SH3BP5: variants seen among roughly 807,000 people sequenced by gnomAD.
The protein encoded by SH3BP5 is SH3 domain-binding protein 5.
SH3BP5 carries 22 observed loss-of-function variants against 43.3 expected under a neutral mutation model. The observed-to-expected ratio is 0.51, with a 90% CI of 0.36 to 0.73. The LOEUF is 0.73. Among genes scored for constraint, SH3BP5 ranks in the 30% least tolerant of loss-of-function variants. The probability of loss-of-function intolerance (pLI) is 0.00; values close to 1 mark genes in which losing one functional copy is unlikely to be tolerated. For synonymous variants in SH3BP5, 255 were observed against 225.8 expected, an observed-to-expected ratio of 1.13 and a Z score of -1.16; for missense variants, 529 against 586.9, an observed-to-expected ratio of 0.90 and a Z score of 1.02.
Position 15,259,744 on chromosome 3 carries a change from C to G in SH3BP5, c.669+17G>C. The G allele has an allele frequency of 6.2e-7, 1 of 1,613,618 alleles. No homozygotes were observed. The highest frequency in any genetic ancestry group is 1.3e-5 in the African/African-American group (1 of 74,974). On this transcript the variant is annotated intron_variant, in intron 6 of 8. Transcript: ENST00000383791. ...CAGAAAAATCTCATCAGTGACGAAG[C>G]CCAAAGCTACACATACCTCGAGCTG... is the stretch of plus-strand genomic sequence containing the variant.
At chr3:15,300,968 T>G (rs555868686) in intron 3 of SH3BP5, among the ~76,000 whole-genome samples, 10 of 152,218 alleles carry the variant, frequency 6.6e-5, no homozygotes, top group African/African-American at 2.2e-4. Flanking sequence ...ACTCAGTAAT[T>G]GCCCTATTGT....
intron 3 of SH3BP5, among the ~76,000 whole-genome samples, chr3:15,300,644 C>T (rs1178572043): frequency 2.0e-5 from 3 of 151,738 alleles, no homozygotes; most frequent in South Asian, 4.2e-4. Flanking sequence ...GCAGCCCACC[C>T]TCCACAGAGA....
chr3:15,329,450 T>C (rs1330666101), intron 2 of SH3BP5, among the ~76,000 whole-genome samples: 3 of 152,232 alleles, frequency 2.0e-5, no homozygotes, highest in African/African-American at 7.2e-5. Context: ...CCCATGCTCT[T>C]GTATACCTAC....
At chr3:15,297,138 G>T (rs1265773851) in intron 3 of SH3BP5, among the ~76,000 whole-genome samples, 1 of 152,134 alleles carries the variant, frequency 6.6e-6, no homozygotes, top group Admixed American at 6.5e-5. Flanking sequence ...TTCAAAACAC[G>T]ATTCTCCATC....
At chr3:15,320,242 T>G (rs907333267) in intron 2 of SH3BP5, among the ~76,000 whole-genome samples, 10 of 152,128 alleles carry the variant, frequency 6.6e-5, no homozygotes, top group African/African-American at 2.4e-4. Flanking sequence ...CAGCGGATAT[T>G]CCTCTCATTG....
At chr3:15,333,733 TG>T (rs1698666880), upstream of SH3BP5, among the ~76,000 whole-genome samples, 1 of 152,206 alleles carries the variant, frequency 6.6e-6, no homozygotes, top group Admixed American at 6.5e-5. Flanking sequence ...ACGCTGGCAC[TG>T]TAGTCCACTG....
intron 1 of SH3BP5, 156 bp downstream of exon 1, chr3:15,332,115 T>C: frequency 1.7e-6 from 2 of 1,203,236 alleles, no homozygotes; most frequent in Non-Finnish European, 2.3e-6. Context: ...GTGGAGACGA[T>C]GAAACGGAGC....
Position 15,255,743 on chromosome 3 carries a change from C to T in SH3BP5, c.*343G>A, listed in dbSNP as rs1364102032. ...CTGAGGGTGAGAAGAGAAAGAGAAG[C>T]AAGCTGTTGCCCCCACTTTGGCCTG... On this transcript the variant is annotated 3_prime_UTR_variant, in exon 9 of 9. Transcript: ENST00000383791. The T allele has an allele frequency of 3.4e-5, 7 of 204,684 alleles. No individual in the cohort carries two copies. Among genetic ancestry groups the T allele is most frequent in the East Asian group, 1.2e-4 (1 of 8,398 alleles). The allele number at this position is 204,684 out of a possible 1,614,324, so 12.7% of individuals were successfully genotyped here. A position where few individuals can be genotyped will look rare whatever the true frequency, so the allele number is the denominator to read the frequency against.
intron 3 of SH3BP5, among the ~76,000 whole-genome samples, chr3:15,303,857 T>A (rs3773466): frequency 1.6e-4 from 24 of 152,100 alleles, no homozygotes; most frequent in African/African-American, 5.3e-4. Flanking sequence ...ACACGTCCCC[T>A]TAAGTGCACT....
intron 3 of SH3BP5, among the ~76,000 whole-genome samples, chr3:15,294,697 T>C (rs182737514): frequency 2.0e-5 from 3 of 152,046 alleles, no homozygotes; most frequent in Non-Finnish European, 4.4e-5. Context: ...ACCTAATACA[T>C]CATTAGCGCT....
chr3:15,332,545 C>A lies in SH3BP5; in HGVS notation c.-137G>T. Reference sequence around the variant, plus strand: ...CGCCGGGGCCGACACCCGGGAGACGCAGCTCGCCGATGCGGATACCTCCGG... The same window carrying A: ...CGCCGGGGCCGACACCCGGGAGACGAAGCTCGCCGATGCGGATACCTCCGG... On this transcript the variant is annotated 5_prime_UTR_variant, in exon 1 of 9. Transcript: ENST00000383791. The A allele has an allele frequency of 4.8e-6, 6 of 1,238,420 alleles. No homozygotes were observed. Among genetic ancestry groups the A allele is most frequent in the Non-Finnish European group, 6.0e-6 (6 of 993,260 alleles). 76.7% of individuals were successfully genotyped at this position (1,238,420 alleles called of 1,614,324 possible).
Position 15,294,144 on chromosome 3 carries a change from G to A in SH3BP5, c.330+9959C>T, listed in dbSNP as rs74955670. 5.3e-3 allele frequency among the ~76,000 whole-genome samples: 800 copies of A among 150,998 alleles called. 19 individuals are homozygous for A. The East Asian group carries it at 0.065, about 12-fold the overall frequency. Reference sequence around the variant, plus strand: ...GAGTACCACTTTGCAAAAAGTACTCGCTGTAAGGATTAAATGAGATAATGT... The same window carrying A: ...GAGTACCACTTTGCAAAAAGTACTCACTGTAAGGATTAAATGAGATAATGT... On this transcript the variant is annotated intron_variant, in intron 3 of 8. Coordinates refer to ENST00000383791, the MANE Select transcript of SH3BP5 (RefSeq NM_004844.5).
At chr3:15,302,040 G>T (rs1697768940) in intron 3 of SH3BP5, among the ~76,000 whole-genome samples, 1 of 152,138 alleles carries the variant, frequency 6.6e-6, no homozygotes, top group African/African-American at 2.4e-5. Context: ...TTTCAGGAAA[G>T]GAGGTTTTCT....
At position 15,314,996 on chromosome 3, in the gene SH3BP5, A is replaced by G. The variant is rs144134777; in HGVS notation, c.202-10765T>C. On this transcript the variant is annotated intron_variant, in intron 2 of 8. Coordinates refer to ENST00000383791, the MANE Select transcript of SH3BP5 (RefSeq NM_004844.5). Reference sequence around the variant, plus strand: ...AACCAGAGGAGGGAGAGACAGACAAAAACAGAGGTGAGAGACAGAAAAAAG... The same window carrying G: ...AACCAGAGGAGGGAGAGACAGACAAGAACAGAGGTGAGAGACAGAAAAAAG... 3.3e-5 allele frequency among the ~76,000 whole-genome samples: 5 copies of G among 152,274 alleles called. No individual in the cohort carries two copies. In the East Asian group the frequency reaches 9.7e-4, roughly 29 times the overall value.
chr3:15,292,741 G>A (rs549061511), intron 3 of SH3BP5, among the ~76,000 whole-genome samples: 28 of 152,234 alleles, frequency 1.8e-4, no homozygotes, highest in African/African-American at 2.9e-4. Flanking sequence ...GCAGCTACTC[G>A]GGAGGCTGAA....
rs114177680 is a variant in SH3BP5 at position 15,311,814 on chromosome 3, G to A, written c.202-7583C>T. Among the ~76,000 whole-genome samples, 1,093 of 152,040 alleles carry A rather than the reference G, an allele frequency of 7.2e-3. 14 individuals are homozygous for A. Among genetic ancestry groups the A allele is most frequent in the African/African-American group, 0.025 (1,029 of 41,424 alleles). ...TCAGCCTCCCAAGTAGCCGGGACTA[G>A]AGGCACGTATGACCACACCCGGCTA... is the stretch of plus-strand genomic sequence containing the variant. On this transcript the variant is annotated intron_variant, in intron 2 of 8. Coordinates refer to ENST00000383791, the MANE Select transcript of SH3BP5 (RefSeq NM_004844.5).
At chr3:15,286,703 A>C (rs902370085) in intron 3 of SH3BP5, among the ~76,000 whole-genome samples, 1 of 152,112 alleles carries the variant, frequency 6.6e-6, no homozygotes, top group Non-Finnish European at 1.5e-5. Context: ...ACAGGAGCAC[A>C]CCAACATGCC....
intron 2 of SH3BP5, among the ~76,000 whole-genome samples, chr3:15,320,124 G>A (rs1206235647): frequency 2.0e-5 from 3 of 152,076 alleles, no homozygotes; most frequent in Non-Finnish European, 2.9e-5. Flanking sequence ...GAAACAAAAG[G>A]GTGTGGTGAA....
In SH3BP5 at chr3:15,295,913, G is replaced by C. The variant is rs142549650; in HGVS notation, c.330+8190C>G. On this transcript the variant is annotated intron_variant, in intron 3 of 8. Coordinates refer to ENST00000383791, the MANE Select transcript of SH3BP5 (RefSeq NM_004844.5). ...GAGTCAGGAGAACATTCAACCCTTT[G>C]CAGCTAGTGTTTTATTATCAAGAAA... Among the ~76,000 whole-genome samples the C allele has an allele frequency of 7.7e-4, 117 of 152,316 alleles. 1 individual carries two copies. The highest frequency in any genetic ancestry group is 2.7e-3 in the African/African-American group (114 of 41,582).
Sources: gnomAD v4.1 joint callset for allele counts (sites outside exome capture counted in the v4.1 genomes callset) on GRCh38, gnomAD v4.1.1 for gene constraint, MANE v1.5 for transcripts, NCBI Gene and HGNC (gene_info 2026-07-23, HGNC 2026-07-21) for gene names.